OXR1: variants seen among roughly 807,000 people sequenced by gnomAD.
The protein encoded by OXR1 is oxidation resistance 1, also known as oxidation resistance protein 1.
In OXR1, 41 loss-of-function variants were observed where a neutral mutation model predicts 104.6. That is an observed-to-expected ratio of 0.39 (90% CI 0.31 to 0.51). The LOEUF (loss-of-function observed/expected upper bound fraction) is 0.51. OXR1 is among the 20% of genes least tolerant of loss of function. The pLI is 0.77. For synonymous variants in OXR1, 348 were observed against 348.4 expected (o/e 1.00, Z 0.01); for missense variants, 955 against 1,031.9 (o/e 0.93, Z 1.02).
intron 3 of OXR1, among the ~76,000 whole-genome samples, chr8:106,619,881 T>A (rs944799125): frequency 1.3e-5 from 2 of 152,096 alleles, no homozygotes; most frequent in African/African-American, 2.4e-5. Context: ...TTCCCATCCT[T>A]CTTACCCCTC....
intron 3 of OXR1, among the ~76,000 whole-genome samples, chr8:106,579,007 A>G (rs1187986275): frequency 1.0e-5 from 1 of 96,980 alleles, no homozygotes; most frequent in Non-Finnish European, 2.0e-5. Context: ...TTTTTTGCCT[A>G]GTATGAAAAT....
chr8:106,395,861 A>T (rs1431046138), intron 2 of OXR1, among the ~76,000 whole-genome samples: 4 of 151,988 alleles, frequency 2.6e-5, no homozygotes, highest in African/African-American at 9.7e-5. Flanking sequence ...GGCAGGGAAG[A>T]TACAAGACAG....
intron 1 of OXR1, among the ~76,000 whole-genome samples, chr8:106,273,517 T>C (rs1415582373): frequency 6.6e-6 from 1 of 152,202 alleles, no homozygotes; most frequent in Non-Finnish European, 1.5e-5. Flanking sequence ...CCAGGGATGC[T>C]GTGAACATTC....
chr8:106,339,555 T>TATAA (rs1323687556), intron 1 of OXR1, among the ~76,000 whole-genome samples: 3 of 76,984 alleles, frequency 3.9e-5, no homozygotes, highest in African/African-American at 6.0e-5. Flanking sequence ...TATATATATA[T>TATAA]AAAACGAAAT....
chr8:106,742,493 A>T lies in OXR1; in HGVS notation c.2412+176A>T, dbSNP rs534495260. On this transcript the variant is annotated intron_variant, in intron 15 of 16. Coordinates refer to ENST00000517566, the MANE Select transcript of OXR1 (RefSeq NM_001198533.2). ...CAAAAAGAGCCCAAATAGCCAAGAG[A>T]ATGCTAAGCATAAAGAACAAAGCTG... 3.8e-5 allele frequency: 19 copies of T among 502,460 alleles called. No individual in the cohort carries two copies. The East Asian group carries it at 3.8e-4, about 10-fold the overall frequency. 31.1% of individuals were successfully genotyped at this position (502,460 alleles called of 1,614,324 possible).
intron 3 of OXR1, among the ~76,000 whole-genome samples, chr8:106,641,858 A>G (rs1221353714): frequency 1.3e-5 from 2 of 152,224 alleles, no homozygotes; most frequent in Admixed American, 6.5e-5. Context: ...GGAAAGTCCT[A>G]CAATAAAGGA....
chr8:106,348,317 ACCC>A (rs1458216449), intron 1 of OXR1, among the ~76,000 whole-genome samples: 9 of 152,000 alleles, frequency 5.9e-5, no homozygotes, highest in African/African-American at 1.9e-4. Flanking sequence ...ACACGCACAC[ACCC>A]CTACCTATTT....
At chr8:106,442,516 TA>T (rs1049283002) in intron 2 of OXR1, among the ~76,000 whole-genome samples, 14 of 152,184 alleles carry the variant, frequency 9.2e-5, no homozygotes, top group Non-Finnish European at 1.5e-5. Flanking sequence ...GTACCTCTGA[TA>T]GAATTCAGCT....
intron 3 of OXR1, among the ~76,000 whole-genome samples, chr8:106,633,229 C>CA (rs753308627): frequency 1.1e-4 from 17 of 149,536 alleles, no homozygotes; most frequent in South Asian, 2.1e-4. Flanking sequence ...GAGATTCCAT[C>CA]AAAAAAACAA....
chr8:106,535,113 C>T (rs1814393365), intron 3 of OXR1, among the ~76,000 whole-genome samples: 1 of 152,158 alleles, frequency 6.6e-6, no homozygotes, highest in Non-Finnish European at 1.5e-5. Flanking sequence ...CAGGCACCCG[C>T]CACCACACCC....
chr8:106,714,008 T>C, intron 11 of OXR1, 23 bp downstream of exon 11: 2 of 1,516,110 alleles, frequency 1.3e-6, no homozygotes, highest in South Asian at 2.5e-5. Context: ...ATATGAAGAT[T>C]TTAGTCATCT....
At chr8:106,615,626 GA>G (rs1440315341) in intron 3 of OXR1, among the ~76,000 whole-genome samples, 2 of 147,146 alleles carry the variant, frequency 1.4e-5, no homozygotes, top group Admixed American at 1.3e-4. Flanking sequence ...AAAAAAAAAG[GA>G]AAAAAATGCC....
chr8:106,362,972 T>A (rs1485644584), intron 2 of OXR1, among the ~76,000 whole-genome samples: 1 of 152,214 alleles, frequency 6.6e-6, no homozygotes, highest in East Asian at 1.9e-4. Flanking sequence ...CAAGATGACA[T>A]CTTTTTGACC....
At position 106,482,265 on chromosome 8, in the gene OXR1, C is replaced by T. The variant is rs73699511; in HGVS notation, c.24-36678C>T. Among the ~76,000 whole-genome samples, 344 of 151,944 alleles carry T rather than the reference C, an allele frequency of 2.3e-3. 2 individuals are homozygous for T. The highest frequency in any genetic ancestry group is 7.8e-3 in the African/African-American group (322 of 41,464). ...GGGCTGTGGTATGGGCATGCCTGCT[C>T]CAAGCCCCCAGATTATCTGGCAGAA... On this transcript the variant is annotated intron_variant, in intron 2 of 16. Coordinates refer to ENST00000517566, the MANE Select transcript of OXR1 (RefSeq NM_001198533.2).
intron 3 of OXR1, among the ~76,000 whole-genome samples, chr8:106,547,886 G>A (rs1215708896): frequency 1.3e-5 from 2 of 152,118 alleles, no homozygotes; most frequent in Non-Finnish European, 2.9e-5. Flanking sequence ...ATGGACACAT[G>A]GGTTACTTTC....
intron 2 of OXR1, among the ~76,000 whole-genome samples, chr8:106,510,066 C>A (rs574133075): frequency 2.6e-5 from 4 of 152,316 alleles, no homozygotes; most frequent in African/African-American, 9.6e-5. Flanking sequence ...GCCACTGCAC[C>A]CAGCCCCAAC....
intron 2 of OXR1, among the ~76,000 whole-genome samples, chr8:106,485,304 T>G (rs1049337675): frequency 6.6e-6 from 1 of 152,110 alleles, no homozygotes; most frequent in Non-Finnish European, 1.5e-5. Context: ...TGAATCCTAA[T>G]GTAAACTATG....
chr8:106,617,182 G>A (rs1821309720), intron 3 of OXR1, among the ~76,000 whole-genome samples: 1 of 152,328 alleles, frequency 6.6e-6, no homozygotes, highest in Non-Finnish European at 1.5e-5. Flanking sequence ...CAGCATTTTG[G>A]GAGGCCAAGG....
intron 7 of OXR1, among the ~76,000 whole-genome samples, chr8:106,696,330 A>G (rs1830028098): frequency 6.6e-6 from 1 of 152,174 alleles, no homozygotes; most frequent in African/African-American, 2.4e-5. Context: ...AATATTACTG[A>G]ATATTCCACT....
Sources: allele counts gnomAD v4.1 joint callset (sites outside exome capture counted in the v4.1 genomes callset), GRCh38; gene constraint gnomAD v4.1.1; transcripts MANE v1.5; gene names NCBI Gene and HGNC (gene_info 2026-07-23, HGNC 2026-07-21).